Variants in RYR2 observed in about 807,000 individuals in gnomAD.
RYR2 encodes the protein ryanodine receptor 2.
In RYR2, 227 loss-of-function variants were observed where a neutral mutation model predicts 601.1. That is an observed-to-expected ratio of 0.38 (90% CI 0.34 to 0.42). RYR2 has a LOEUF of 0.42. Among genes scored for constraint, RYR2 ranks in the 10% least tolerant of loss-of-function variants. RYR2 has a pLI of 1.00. For missense variants in RYR2, 4,646 were observed against 6,156.5 expected (o/e 0.75, Z 8.21); for synonymous variants, 2,223 against 2,175.1 (o/e 1.02, Z -0.61).
rs1409186917 is a variant in RYR2 at position 237,687,172 on chromosome 1, C to T, written c.9018-283C>T. Among the ~76,000 whole-genome samples the T allele has an allele frequency of 2.0e-5, 3 of 151,732 alleles. No individual in the cohort carries two copies. In the East Asian group the frequency reaches 5.8e-4, roughly 29 times the overall value. Reference sequence around the variant, plus strand: ...TATAGATTGCTTTTATATTAATTAGCTTTGCTTTCAATTTTTTTTGGTTTC... The same window carrying T: ...TATAGATTGCTTTTATATTAATTAGTTTTGCTTTCAATTTTTTTTGGTTTC... On this transcript the variant is annotated intron_variant, in intron 62 of 104. Coordinates refer to ENST00000366574, the MANE Select transcript of RYR2 (RefSeq NM_001035.3).
rs778172821 is a variant in RYR2 at position 237,787,977 on chromosome 1, T to G, written c.13329-11T>G. On this transcript the variant is annotated splice_polypyrimidine_tract_variant and intron_variant, in intron 91 of 104. Transcript: ENST00000366574. Reference sequence around the variant, plus strand: ...CTGGAGAGCTTATGTTTTGTTTGTTTGTTTTCATAGGGGAGAAGATGGAGA... The same window carrying G: ...CTGGAGAGCTTATGTTTTGTTTGTTGGTTTTCATAGGGGAGAAGATGGAGA... 4.2e-5 allele frequency: 67 copies of G among 1,577,866 alleles called. No homozygotes were observed. The highest frequency in any genetic ancestry group is 1.5e-4 in the Admixed American group (8 of 53,824).
intron 10 of RYR2, among the ~76,000 whole-genome samples, chr1:237,395,264 G>A (rs77582588): frequency 0.012 from 1,843 of 152,288 alleles, 50 homozygotes; most frequent in African/African-American, 0.042. Flanking sequence ...ATTCAACCAT[G>A]TGAGAAAGAT....
intron 29 of RYR2, among the ~76,000 whole-genome samples, chr1:237,587,328 C>A (rs1674633823): frequency 6.6e-6 from 1 of 151,962 alleles, no homozygotes; most frequent in African/African-American, 2.4e-5. Flanking sequence ...TTACAAATTT[C>A]TTTATGGGAA....
chr1:237,177,983 T>C (rs1393447765), intron 1 of RYR2, among the ~76,000 whole-genome samples: 2 of 152,212 alleles, frequency 1.3e-5, no homozygotes, highest in African/African-American at 4.8e-5. Flanking sequence ...AGTTTTCCAA[T>C]GCATGCTCTC....
chr1:237,703,390 T>C (rs948213924), intron 66 of RYR2, among the ~76,000 whole-genome samples: 11 of 151,736 alleles, frequency 7.2e-5, no homozygotes, highest in Non-Finnish European at 1.5e-4. Flanking sequence ...ATTTTTTTCA[T>C]GTTTACCTTG....
At chr1:237,177,701 T>G (rs1678211564) in intron 1 of RYR2, among the ~76,000 whole-genome samples, 1 of 152,214 alleles carries the variant, frequency 6.6e-6, no homozygotes, top group Admixed American at 6.5e-5. Context: ...CTACTGTTGA[T>G]GGTCATTAGA....
intron 2 of RYR2, among the ~76,000 whole-genome samples, chr1:237,279,561 T>C (rs1375433467): frequency 1.3e-5 from 2 of 152,312 alleles, no homozygotes; most frequent in Non-Finnish European, 2.9e-5. Flanking sequence ...TGTTTGAGAA[T>C]GATTATTATA....
At chr1:237,451,060 C>A (rs995399262) in intron 14 of RYR2, among the ~76,000 whole-genome samples, 1 of 151,284 alleles carries the variant, frequency 6.6e-6, no homozygotes, top group African/African-American at 2.4e-5. Flanking sequence ...TATAAACTTG[C>A]AAGTTTCACT....
intron 29 of RYR2, among the ~76,000 whole-genome samples, chr1:237,583,471 C>T (rs931100747): frequency 6.9e-6 from 1 of 144,032 alleles, no homozygotes; most frequent in Non-Finnish European, 1.6e-5. Flanking sequence ...GTTGTTTCCT[C>T]ATCTGAAAAA....
chr1:237,702,694 A>G (rs186493448), intron 66 of RYR2, among the ~76,000 whole-genome samples: 195 of 152,230 alleles, frequency 1.3e-3, no homozygotes, highest in Non-Finnish European at 1.2e-3. Context: ...AATTACAGAA[A>G]TTTGCTTTTT....
At chr1:237,191,693 A>AT (rs1272921783) in intron 1 of RYR2, among the ~76,000 whole-genome samples, 1 of 152,202 alleles carries the variant, frequency 6.6e-6, no homozygotes, top group Non-Finnish European at 1.5e-5. Flanking sequence ...TGAAAAGAAT[A>AT]TTTTAACAAC....
chr1:237,222,264 T>C (rs1174257612), intron 1 of RYR2, among the ~76,000 whole-genome samples: 1 of 151,928 alleles, frequency 6.6e-6, no homozygotes, highest in African/African-American at 2.4e-5. Context: ...ATACAAAAAA[T>C]TAGCTGGGCG....
rs546249522 is a variant in RYR2, at chr1:237,750,766, A to C, written c.11146-5522A>C. Among the ~76,000 whole-genome samples, 10 of 152,312 alleles carry C rather than the reference A, an allele frequency of 6.6e-5. 1 individual carries two copies. The South Asian group carries it at 1.7e-3, about 25-fold the overall frequency. ...TTTATACAATAGAGTCCAGTTGTGC[A>C]GATGCTACCTGAAGATGGATTAGCA... On this transcript the variant is annotated intron_variant, in intron 80 of 104. Coordinates refer to ENST00000366574, the MANE Select transcript of RYR2 (RefSeq NM_001035.3).
chr1:237,452,567 A>G (rs114505330), intron 14 of RYR2, among the ~76,000 whole-genome samples: 4,513 of 146,958 alleles, frequency 0.031, 112 homozygotes, highest in East Asian at 0.12. Context: ...TATTTTATAT[A>G]CACTATATAT....
chr1:237,297,669 T>G (rs1692925597), intron 2 of RYR2, among the ~76,000 whole-genome samples: 1 of 151,988 alleles, frequency 6.6e-6, no homozygotes, highest in South Asian at 2.1e-4. Context: ...AGTTTCACTG[T>G]AAAAGAGTAT....
intron 14 of RYR2, among the ~76,000 whole-genome samples, chr1:237,449,915 C>A (rs988749328): frequency 4.0e-5 from 6 of 151,768 alleles, no homozygotes; most frequent in African/African-American, 1.5e-4. Flanking sequence ...TGAGCTTTTT[C>A]CTGGGATGCT....
Position 237,639,151 on chromosome 1 carries a change from G to A in RYR2, c.7065G>A (p.Glu2355=), listed in dbSNP as rs1294243113. 1 of 1,613,784 alleles carries A rather than the reference G, an allele frequency of 6.2e-7. No individual in the cohort carries two copies. The highest frequency in any genetic ancestry group is 8.5e-7 in the Non-Finnish European group (1 of 1,179,832). ...TGGAAGAAGCCATCAAAATCGCCGA[G>A]GATCCTTCCCGAGATGGTCCCTCAC... ...AAMEEAIKIA[E]DPSRDGPSPN... is the part of the protein sequence containing the mutation. Residue 2355 remains glutamate, a synonymous_variant, in exon 46 of 105, where the codon GAG becomes GAA. Coordinates refer to ENST00000366574, the MANE Select transcript of RYR2 (RefSeq NM_001035.3).
chr1:237,715,613 C>T (rs192819419), intron 71 of RYR2, among the ~76,000 whole-genome samples: 5 of 152,098 alleles, frequency 3.3e-5, no homozygotes, highest in African/African-American at 4.8e-5. Flanking sequence ...CCTATACAAC[C>T]ATAAAACCAA....
intron 1 of RYR2, among the ~76,000 whole-genome samples, chr1:237,181,231 T>G (rs796521723): frequency 1.3e-5 from 2 of 149,064 alleles, no homozygotes; most frequent in African/African-American, 5.1e-5. Context: ...TGATCCGCCC[T>G]CCTCGGCTTC....
Sources: gnomAD v4.1 joint callset for allele counts (sites outside exome capture counted in the v4.1 genomes callset) on GRCh38, gnomAD v4.1.1 for gene constraint, MANE v1.5 for transcripts, NCBI Gene and HGNC (gene_info 2026-07-23, HGNC 2026-07-21) for gene names.